FABP2: variants seen among roughly 807,000 people sequenced by gnomAD.
FABP2 encodes the protein fatty acid binding protein 2.
Under a neutral mutation model 16.1 loss-of-function variants are expected in FABP2, and 11 were observed. The ratio of observed to expected loss-of-function variants is 0.68; its 90% CI spans 0.43 to 1.13. FABP2 has a LOEUF of 1.13. Ranked by LOEUF, FABP2 falls within the 50% of genes most tolerant of loss-of-function variation. The pLI, the probability that FABP2 is intolerant of heterozygous loss-of-function variation, is 0.00. For missense variants in FABP2, 146 were observed against 155.1 expected (o/e 0.94, Z 0.31); for synonymous variants, 45 against 50.9 (o/e 0.88, Z 0.49).
intron 2 of FABP2, among the ~76,000 whole-genome samples, chr4:119,319,896 G>C (rs968212706): frequency 6.6e-6 from 1 of 151,936 alleles, no homozygotes. Context: ...TAACCATTAT[G>C]CTTGTTCTCT....
At chr4:119,319,689 T>C in intron 2 of FABP2, 46 bp from the exon 3 acceptor site, 1 of 676,606 alleles carries the variant, frequency 1.5e-6, no homozygotes, top group East Asian at 4.6e-5. Flanking sequence ...TGGCATTTAT[T>C]AGGGTCTTAC....
Position 119,322,133 on chromosome 4 carries a change from A to G in FABP2, c.-31T>C. 2 of 1,579,570 alleles carry G rather than the reference A, an allele frequency of 1.3e-6. No homozygotes were observed. Among genetic ancestry groups the G allele is most frequent in the Non-Finnish European group, 1.7e-6 (2 of 1,150,948 alleles). On this transcript the variant is annotated 5_prime_UTR_variant, in exon 1 of 4. Coordinates refer to ENST00000274024, the MANE Select transcript of FABP2 (RefSeq NM_000134.4). ...CAGTTGAGTCAGCCTCTAGGCAGCTAGAGATTCAGGTCTGTCCTTGGGCGA... is the reference window on the plus strand; with the variant it reads ...CAGTTGAGTCAGCCTCTAGGCAGCTGGAGATTCAGGTCTGTCCTTGGGCGA...
rs71595363 is a variant in FABP2, at chr4:119,319,647, CATAATA to C, written c.241-10_241-5del. On this transcript the variant is annotated splice_polypyrimidine_tract_variant and splice_region_variant and intron_variant, in intron 2 of 3. Coordinates refer to ENST00000274024, the MANE Select transcript of FABP2 (RefSeq NM_000134.4). ...TTCCCTCAAGGCTCCAGGTCCCCTA[CATAATA>C]ATAATAATAATAATAATAATAATAA... 3,374 of 797,376 alleles carry C rather than the reference CATAATA, an allele frequency of 4.2e-3. 98 individuals are homozygous for C. The African/African-American group carries it at 0.054, about 13-fold the overall frequency. 49.4% of individuals were successfully genotyped at this position (797,376 alleles called of 1,614,324 possible).
chr4:119,321,516 C>G (rs758951733), intron 1 of FABP2, among the ~76,000 whole-genome samples: 6 of 152,034 alleles, frequency 3.9e-5, no homozygotes, highest in Non-Finnish European at 7.4e-5. Context: ...AATTATAAAT[C>G]AGTTAAATTA....
rs778122333 is a variant in FABP2, at chr4:119,321,995, A to G, written c.67+41T>C. ...AGGAGTTAGAAAGAAAAATGTTTGTAAGAAAGCAAAGAATGAGCCACAAAG... is the reference window on the plus strand; with the variant it reads ...AGGAGTTAGAAAGAAAAATGTTTGTGAGAAAGCAAAGAATGAGCCACAAAG... On this transcript the variant is annotated intron_variant, in intron 1 of 3. Transcript: ENST00000274024. 2.2e-5 allele frequency: 33 copies of G among 1,531,536 alleles called. No homozygotes were observed. The South Asian group carries it at 3.8e-4, about 17-fold the overall frequency. 94.9% of individuals were successfully genotyped at this position (1,531,536 alleles called of 1,614,324 possible). A position where few individuals can be genotyped will look rare whatever the true frequency, so the allele number is the denominator to read the frequency against.
intron 3 of FABP2, 97 bp downstream of exon 3, chr4:119,319,436 AAGT>A (rs1038369804): frequency 6.2e-6 from 4 of 647,988 alleles, no homozygotes; most frequent in African/African-American, 5.7e-5. Context: ...ATGAGAAAAG[AAGT>A]AGTCAGTTTA....
intron 1 of FABP2, 108 bp downstream of exon 1, chr4:119,321,928 T>A: frequency 1.2e-6 from 1 of 846,930 alleles, no homozygotes; most frequent in Admixed American, 2.2e-5. Flanking sequence ...CTCTACCACA[T>A]CAGGAGCTAT....
chr4:119,321,915 C>T, intron 1 of FABP2, 121 bp downstream of exon 1: 1 of 706,446 alleles, frequency 1.4e-6, no homozygotes. Flanking sequence ...TCTTCTGGAT[C>T]CTCTCTACCA....
Position 119,318,990 on chromosome 4 carries a change from T to G in FABP2, c.*51A>C. 7.1e-7 allele frequency: 1 copy of G among 1,406,416 alleles called. No individual in the cohort carries two copies. The highest frequency in any genetic ancestry group is 9.9e-7 in the Non-Finnish European group (1 of 1,009,038). 87.1% of individuals were successfully genotyped at this position (1,406,416 alleles called of 1,614,324 possible). A position where few individuals can be genotyped will look rare whatever the true frequency, so the allele number is the denominator to read the frequency against. On this transcript the variant is annotated 3_prime_UTR_variant, in exon 4 of 4. Coordinates refer to ENST00000274024, the MANE Select transcript of FABP2 (RefSeq NM_000134.4). Reference sequence around the variant, plus strand: ...GGTGAAATAAATAGTTCTGGTACAATATAGATCTTCTGTCCAATTTGTATT... The same window carrying G: ...GGTGAAATAAATAGTTCTGGTACAAGATAGATCTTCTGTCCAATTTGTATT...
chr4:119,319,121 A>G (rs1459561620), intron 3 of FABP2, 30 bp from the exon 4 acceptor site: 3 of 1,485,628 alleles, frequency 2.0e-6, no homozygotes, highest in Non-Finnish European at 2.8e-6. Flanking sequence ...AGAAGAATTT[A>G]TCTTTAAGGT....
rs1420116736 is a variant in FABP2, at chr4:119,317,439, C to A, written c.*1602G>T. The A allele has an allele frequency of 6.6e-6, 1 of 152,038 alleles. No homozygotes were observed. The highest frequency in any genetic ancestry group is 1.5e-5 in the Non-Finnish European group (1 of 67,966). 9.4% of individuals were successfully genotyped at this position (152,038 alleles called of 1,614,324 possible). On this transcript the variant is annotated 3_prime_UTR_variant, in exon 4 of 4. Transcript: ENST00000274024. ...TTCCAAGTCTCCAGTGTCTATTATT[C>A]TACACTCTGGTGTGTCCATGTGTAT...
At position 119,318,714 on chromosome 4, in the gene FABP2, A is replaced by G; in HGVS notation, c.*327T>C. 1 of 236,474 alleles carries G rather than the reference A, an allele frequency of 4.2e-6. No individual in the cohort carries two copies. Among genetic ancestry groups the G allele is most frequent in the Non-Finnish European group, 8.2e-6 (1 of 122,112 alleles). 14.6% of individuals were successfully genotyped at this position (236,474 alleles called of 1,614,324 possible). On this transcript the variant is annotated 3_prime_UTR_variant, in exon 4 of 4. Transcript: ENST00000274024. ...AGTGAAAGAGTAAGACCCTCTCTCT[A>G]CGAAAACAGTCTGTCAATTCATATT...
At chr4:119,321,226 A>T (rs190420525) in intron 1 of FABP2, among the ~76,000 whole-genome samples, 9 of 152,202 alleles carry the variant, frequency 5.9e-5, no homozygotes, top group Middle Eastern at 3.4e-3. Flanking sequence ...CATATACAGT[A>T]TTCTTTTTTC....
Position 119,319,648 on chromosome 4 carries a change from A to G in FABP2, c.241-5T>C, listed in dbSNP as rs769050628. On this transcript the variant is annotated splice_polypyrimidine_tract_variant and splice_region_variant and intron_variant, in intron 2 of 3. Transcript: ENST00000274024. The stretch of plus-strand genomic sequence containing the variant: ...TCCCTCAAGGCTCCAGGTCCCCTAC[A>G]TAATAATAATAATAATAATAATAAT... The G allele has an allele frequency of 3.0e-6, 2 of 659,434 alleles. No individual in the cohort carries two copies. Among genetic ancestry groups the G allele is most frequent in the East Asian group, 5.8e-5 (1 of 17,256 alleles). 40.8% of individuals were successfully genotyped at this position (659,434 alleles called of 1,614,324 possible).
At position 119,319,053 on chromosome 4, in the gene FABP2, A is replaced by G. The variant is rs769719723; in HGVS notation, c.387T>C (p.Phe129=). 13 of 1,602,420 alleles carry G rather than the reference A, an allele frequency of 8.1e-6. No individual in the cohort carries two copies. The South Asian group carries it at 1.2e-4, about 15-fold the overall frequency. The change falls in exon 4 of 4, where the codon TTT becomes TTC. Residue 129 remains phenylalanine (F), a synonymous_variant. Coordinates refer to ENST00000274024, the MANE Select transcript of FABP2 (RefSeq NM_000134.4). ...VYEGVEAKRI[F]KKD ...CCAAGAATAATGCTCAATCCTTTTT[A>G]AAGATCCTTTTGGCTTCTACTCCTT... is the stretch of plus-strand genomic sequence containing the variant.
chr4:119,319,452 G>T, intron 3 of FABP2, 84 bp downstream of exon 3: 1 of 738,174 alleles, frequency 1.4e-6, no homozygotes, highest in South Asian at 1.6e-5. Context: ...TCAGTTTACT[G>T]AAGATCTGGC....
In FABP2 at chr4:119,318,123, A is replaced by G. The variant is rs151178566; in HGVS notation, c.*918T>C. On this transcript the variant is annotated 3_prime_UTR_variant, in exon 4 of 4. Coordinates refer to ENST00000274024, the MANE Select transcript of FABP2 (RefSeq NM_000134.4). The stretch of plus-strand genomic sequence containing the variant: ...ACTGATGTGTACAAAAATGTAATAC[A>G]ATAATTTAATTTAATGTAGTACATC... 6.6e-6 allele frequency: 1 copy of G among 152,226 alleles called. No individual in the cohort carries two copies. The highest frequency in any genetic ancestry group is 2.4e-5 in the African/African-American group (1 of 41,552). The allele number at this position is 152,226 out of a possible 1,614,324, so 9.4% of individuals were successfully genotyped here. A position where few individuals can be genotyped will look rare whatever the true frequency, so the allele number is the denominator to read the frequency against.
chr4:119,320,651 T>TAA lies in FABP2; in HGVS notation c.240+17_240+18dup. The TAA allele has an allele frequency of 2.2e-5, 27 of 1,201,130 alleles. No homozygotes were observed. The highest frequency in any genetic ancestry group is 1.6e-4 in the Admixed American group (6 of 38,430). 74.4% of individuals were successfully genotyped at this position (1,201,130 alleles called of 1,614,324 possible). On this transcript the variant is annotated intron_variant, in intron 2 of 3. Coordinates refer to ENST00000274024, the MANE Select transcript of FABP2 (RefSeq NM_000134.4). ...AGAAAAATCAAGAATGCATTGCTCA[T>TAA]AAAAAAAAAAATTCTTACCCTGAGT...
intron 1 of FABP2, among the ~76,000 whole-genome samples, chr4:119,321,062 A>C (rs1484510837): frequency 6.6e-6 from 1 of 152,148 alleles, no homozygotes; most frequent in Admixed American, 6.6e-5. Context: ...AAAATTAAGT[A>C]GAGTACAGAA....
Sources: allele counts gnomAD v4.1 joint callset (sites outside exome capture counted in the v4.1 genomes callset), GRCh38; gene constraint gnomAD v4.1.1; transcripts MANE v1.5; gene names NCBI Gene and HGNC (gene_info 2026-07-23, HGNC 2026-07-21).